The following CASP8 variants were observed in gnomAD, a reference collection of about 807,000 sequenced individuals.
CASP8 encodes the protein caspase 8, also known as caspase-8.
Under a neutral mutation model 46.3 loss-of-function variants are expected in CASP8, and 24 were observed. The ratio of observed to expected loss-of-function variants is 0.52; its 90% CI spans 0.38 to 0.73. CASP8 has a LOEUF of 0.73. CASP8 is among the 30% of genes least tolerant of loss of function. The probability of loss-of-function intolerance (pLI) is 0.00; values close to 1 mark genes in which losing one functional copy is unlikely to be tolerated. For missense variants in CASP8, 460 were observed against 559.0 expected, an observed-to-expected ratio of 0.82 and a Z score of 1.79; for synonymous variants, 188 against 200.4, an observed-to-expected ratio of 0.94 and a Z score of 0.52.
upstream of CASP8, among the ~76,000 whole-genome samples, chr2:201,255,941 A>G (rs1946997812): frequency 6.6e-6 from 1 of 152,160 alleles, no homozygotes; most frequent in Non-Finnish European, 1.5e-5. Flanking sequence ...AATTTTCTGC[A>G]GAGACAGTGT....
At chr2:201,254,992 G>T (rs1946951140) in intron 2 of CASP8, among the ~76,000 whole-genome samples, 1 of 152,224 alleles carries the variant, frequency 6.6e-6, no homozygotes, top group Non-Finnish European at 1.5e-5. Flanking sequence ...CAAGATGAGG[G>T]TGAGAAGTTG....
chr2:201,242,197 A>C (rs1186889321), intron 2 of CASP8: 12 of 152,242 alleles, frequency 7.9e-5, no homozygotes, highest in Non-Finnish European at 1.5e-4. Flanking sequence ...AAAGACAAAC[A>C]CATAGGCCAT....
intron 2 of CASP8, among the ~76,000 whole-genome samples, chr2:201,234,997 G>C (rs1476697658): frequency 6.6e-6 from 1 of 152,180 alleles, no homozygotes; most frequent in Non-Finnish European, 1.5e-5. Context: ...AATGAGGAAA[G>C]AAAGGCACTA....
chr2:201,286,892 T>C lies in CASP8; in HGVS notation c.*298T>C, dbSNP rs1949590274. On this transcript the variant is annotated 3_prime_UTR_variant, in exon 9 of 9. Coordinates refer to ENST00000673742, the MANE Select transcript of CASP8 (RefSeq NM_001372051.1). Reference sequence around the variant, plus strand: ...CCTCGGCCTCCCAAAGTGCTGGGATTACAGGCGTGAGCCACCGCGCCTGGC... The same window carrying C: ...CCTCGGCCTCCCAAAGTGCTGGGATCACAGGCGTGAGCCACCGCGCCTGGC... 1 of 372,304 alleles carries C rather than the reference T, an allele frequency of 2.7e-6. No individual in the cohort carries two copies. The highest frequency in any genetic ancestry group is 5.2e-6 in the Non-Finnish European group (1 of 193,670). The allele number at this position is 372,304 out of a possible 1,614,324, so 23.1% of individuals were successfully genotyped here. A position where few individuals can be genotyped will look rare whatever the true frequency, so the allele number is the denominator to read the frequency against.
chr2:201,256,876 T>C (rs1285511434), upstream of CASP8, among the ~76,000 whole-genome samples: 8 of 152,194 alleles, frequency 5.3e-5, no homozygotes, highest in Non-Finnish European at 1.5e-5. Flanking sequence ...CTGGGCGCGC[T>C]GCCTCATGCC....
chr2:201,240,263 C>T (rs1559328329), intron 2 of CASP8: 1 of 152,162 alleles, frequency 6.6e-6, no homozygotes, highest in Non-Finnish European at 1.5e-5. Flanking sequence ...TTTCCCCCTA[C>T]CCACAGAGAA....
In CASP8 at chr2:201,270,857, C is replaced by G. The variant is rs192594696; in HGVS notation, c.306-659C>G. 1.6e-4 allele frequency among the ~76,000 whole-genome samples: 24 copies of G among 152,098 alleles called. 1 individual carries two copies. The highest frequency in any genetic ancestry group is 1.6e-3 in the Admixed American group (24 of 15,272). On this transcript the variant is annotated intron_variant, in intron 2 of 8. Coordinates refer to ENST00000673742, the MANE Select transcript of CASP8 (RefSeq NM_001372051.1). ...GCCAACAGACAATTATGTGTGTTAT[C>G]GTTTTGGGGTTACTAAGTCATAGTG...
rs2125317685 is a variant in CASP8, at chr2:201,276,807, G to A, written c.661-20G>A. 1 of 1,613,964 alleles carries A rather than the reference G, an allele frequency of 6.2e-7. No homozygotes were observed. Among genetic ancestry groups the A allele is most frequent in the African/African-American group, 1.3e-5 (1 of 75,024 alleles). On this transcript the variant is annotated intron_variant, in intron 6 of 8. Coordinates refer to ENST00000673742, the MANE Select transcript of CASP8 (RefSeq NM_001372051.1). ...TTTGACCCACAGAGTCAGCTCCTGG[G>A]TTGGGTTTTTGTTTTCCAGACTTTG... is the stretch of plus-strand genomic sequence containing the variant.
chr2:201,270,800 G>A (rs1346557648), intron 2 of CASP8, among the ~76,000 whole-genome samples: 2 of 152,144 alleles, frequency 1.3e-5, no homozygotes, highest in Admixed American at 6.5e-5. Flanking sequence ...CTCCTAATGC[G>A]CTGGAATTAG....
At chr2:201,257,388 A>G (rs1947071970), upstream of CASP8, among the ~76,000 whole-genome samples, 1 of 151,616 alleles carries the variant, frequency 6.6e-6, no homozygotes, top group African/African-American at 2.4e-5. Context: ...AGGCTGAGGC[A>G]GGAGAATCAC....
chr2:201,245,039 ACACT>A (rs1160875209), intron 2 of CASP8, among the ~76,000 whole-genome samples: 2 of 152,102 alleles, frequency 1.3e-5, no homozygotes, highest in East Asian at 3.9e-4. Context: ...GTCTACTAAA[ACACT>A]CAATCATCCC....
rs771667744 is a variant in CASP8 at position 201,272,799 on chromosome 2, G to A, written c.550+23G>A. 4 of 1,614,116 alleles carry A rather than the reference G, an allele frequency of 2.5e-6. No individual in the cohort carries two copies. In the South Asian group the frequency reaches 4.4e-5, roughly 18 times the overall value. On this transcript the variant is annotated intron_variant, in intron 4 of 8. Coordinates refer to ENST00000673742, the MANE Select transcript of CASP8 (RefSeq NM_001372051.1). The surrounding 1 kb of genome is among the most constrained non-coding windows in gnomAD (Gnocchi z 4.4). ...AAGGTAGAAACAACCTGACAGCCGG[G>A]AATCGGCAAAACCTACTCTAAAATT...
rs1191252506 is a variant in CASP8, at chr2:201,266,663, G to A, written c.177G>A (p.Leu59=). ...AGAGAATGTTGGAGGAAAGCAATCTGTCCTTCCTGAAGGAGCTGCTCTTCC... is the reference window on the plus strand; with the variant it reads ...AGAGAATGTTGGAGGAAAGCAATCTATCCTTCCTGAAGGAGCTGCTCTTCC... ...QEKRMLEESN[L]SFLKELLFRI... The change falls in exon 2 of 9, where the codon CTG becomes CTA. Residue 59 remains leucine (L), a synonymous_variant. Transcript: ENST00000673742. The surrounding 1 kb of genome is among the most constrained non-coding windows in gnomAD (Gnocchi z 5.7). 3.1e-6 allele frequency: 5 copies of A among 1,614,028 alleles called. No individual in the cohort carries two copies. In the South Asian group the frequency reaches 3.3e-5, roughly 11 times the overall value.
upstream of CASP8, among the ~76,000 whole-genome samples, chr2:201,259,845 A>T (rs192472351): frequency 6.6e-6 from 1 of 151,906 alleles, no homozygotes; most frequent in African/African-American, 2.4e-5. Context: ...GGTAAGATGG[A>T]CTTACCATCT....
chr2:201,272,993 C>A lies in CASP8; in HGVS notation c.595+51C>A. The A allele has an allele frequency of 6.8e-7, 1 of 1,474,200 alleles. No individual in the cohort carries two copies. Among genetic ancestry groups the A allele is most frequent in the Non-Finnish European group, 9.5e-7 (1 of 1,054,254 alleles). The allele number at this position is 1,474,200 out of a possible 1,614,324, so 91.3% of individuals were successfully genotyped here. A position where few individuals can be genotyped will look rare whatever the true frequency, so the allele number is the denominator to read the frequency against. On this transcript the variant is annotated intron_variant, in intron 5 of 8. Transcript: ENST00000673742. This position sits in a 1 kb window ranked among gnomAD's most constrained non-coding sequence, Gnocchi z 4.4. The stretch of plus-strand genomic sequence containing the variant: ...GATTTAGTTAATTTACTATCTGGTA[C>A]CTGCATGTGTCCTCCCCACAGCCTT...
chr2:201,262,921 G>A (rs1336535331), intron 1 of CASP8, among the ~76,000 whole-genome samples: 16 of 152,212 alleles, frequency 1.1e-4, no homozygotes, highest in Admixed American at 1.0e-3. Context: ...AGAAAAGGCT[G>A]ACTATCATCT....
chr2:201,235,539 T>G (rs1233683859), intron 2 of CASP8, among the ~76,000 whole-genome samples: 2 of 152,218 alleles, frequency 1.3e-5, no homozygotes, highest in African/African-American at 4.8e-5. Context: ...TTCACCTTAC[T>G]CCTTTATTAG....
intron 8 of CASP8, 120 bp downstream of exon 8, chr2:201,285,437 T>A: frequency 8.1e-7 from 1 of 1,240,046 alleles, no homozygotes; most frequent in Non-Finnish European, 1.2e-6. Context: ...TAGATCACAT[T>A]AACAGGTCAG....
intron 7 of CASP8, among the ~76,000 whole-genome samples, chr2:201,280,870 T>G: frequency 6.6e-6 from 1 of 152,150 alleles, no homozygotes; most frequent in East Asian, 1.9e-4. Context: ...CCAGATCCAT[T>G]GAGCACTTGG....
Sources: allele counts gnomAD v4.1 joint callset (sites outside exome capture counted in the v4.1 genomes callset), GRCh38; gene constraint gnomAD v4.1.1; non-coding constraint Gnocchi (gnomAD v3.1); transcripts MANE v1.5; gene names NCBI Gene and HGNC (gene_info 2026-07-23, HGNC 2026-07-21).